TENM2: variants seen among roughly 807,000 people sequenced by gnomAD.
TENM2 encodes the protein teneurin transmembrane protein 2.
A neutral mutation model predicts 245.2 loss-of-function variants in TENM2; 52 were observed. The ratio of observed to expected loss-of-function variants is 0.21; its 90% CI spans 0.17 to 0.27. The LOEUF (loss-of-function observed/expected upper bound fraction) is 0.27, where lower values mean the gene tolerates loss of function less well. TENM2 is among the 10% of genes least tolerant of loss of function. The pLI is 1.00. For synonymous variants in TENM2, 1,363 were observed against 1,438.9 expected (o/e 0.95, Z 1.19); for missense variants, 3,046 against 3,666.8 (o/e 0.83, Z 4.37).
At chr5:167,928,136 G>A (rs1488828542) in intron 3 of TENM2, among the ~76,000 whole-genome samples, 1 of 152,014 alleles carries the variant, frequency 6.6e-6, no homozygotes, top group Non-Finnish European at 1.5e-5. Context: ...GGGTATGGGG[G>A]CATAATAACA....
chr5:167,057,537 A>G, the TENM2 span, among the ~76,000 whole-genome samples: 1 of 152,078 alleles, frequency 6.6e-6, no homozygotes, highest in African/African-American at 2.4e-5. Flanking sequence ...TGGACTGTGA[A>G]CTTCATCAGT....
chr5:168,116,947 T>C (rs985246441), intron 9 of TENM2, among the ~76,000 whole-genome samples: 6 of 152,180 alleles, frequency 3.9e-5, no homozygotes, highest in Admixed American at 3.9e-4. Flanking sequence ...CATCCGTCAT[T>C]TCTGAAGGCC....
intron 2 of TENM2, among the ~76,000 whole-genome samples, chr5:167,708,286 AC>A (rs1204610171): frequency 6.6e-6 from 1 of 152,142 alleles, no homozygotes; most frequent in African/African-American, 2.4e-5. Context: ...ATATATACAT[AC>A]CTTTTAGATA....
chr5:167,179,615 T>C, the TENM2 span, among the ~76,000 whole-genome samples: 1 of 152,186 alleles, frequency 6.6e-6, no homozygotes, highest in East Asian at 1.9e-4. Context: ...GAATTTCTGC[T>C]TATATACTTA....
At chr5:167,154,741 C>G in the TENM2 span, among the ~76,000 whole-genome samples, 8 of 152,132 alleles carry the variant, frequency 5.3e-5, no homozygotes, top group South Asian at 1.2e-3. Flanking sequence ...AGTGACTCGA[C>G]TTCTCCGTTC....
intron 3 of TENM2, among the ~76,000 whole-genome samples, chr5:167,916,771 C>T (rs953857104): frequency 2.0e-5 from 3 of 152,172 alleles, no homozygotes; most frequent in Admixed American, 2.0e-4. Flanking sequence ...CGTGGGAGGC[C>T]TCACTTATTC....
chr5:168,233,574 C>T (rs1174887036), intron 25 of TENM2, among the ~76,000 whole-genome samples: 1 of 152,202 alleles, frequency 6.6e-6, no homozygotes, highest in Non-Finnish European at 1.5e-5. Flanking sequence ...CTGCAAGAGA[C>T]AGGAAGTGCA....
At chr5:167,388,626 G>A (rs1046798896) in intron 2 of TENM2, among the ~76,000 whole-genome samples, 19 of 151,638 alleles carry the variant, frequency 1.3e-4, no homozygotes, top group Admixed American at 9.2e-4. Flanking sequence ...CACACTTTTT[G>A]ATGTAGGCAT....
the TENM2 span, among the ~76,000 whole-genome samples, chr5:167,044,589 G>T: frequency 6.6e-6 from 1 of 152,230 alleles, no homozygotes; most frequent in African/African-American, 2.4e-5. Flanking sequence ...AGAGTTAGCA[G>T]AAAATAATGA....
chr5:167,172,244 G>A, the TENM2 span, among the ~76,000 whole-genome samples: 1 of 152,160 alleles, frequency 6.6e-6, no homozygotes, highest in African/African-American at 2.4e-5. Context: ...GTGAATATTT[G>A]AAAAGGGTGA....
At chr5:168,115,862 A>C (rs11741618) in intron 9 of TENM2, among the ~76,000 whole-genome samples, 2 of 151,856 alleles carry the variant, frequency 1.3e-5, no homozygotes. Context: ...TCGAGGCTCT[A>C]TCTGGGCTCA....
intron 25 of TENM2, among the ~76,000 whole-genome samples, chr5:168,229,016 CATA>C (rs570083784): frequency 1.9e-3 from 273 of 146,572 alleles, no homozygotes; most frequent in South Asian, 5.1e-3. Context: ...TATATGTATA[CATA>C]ATAATATACA....
At chr5:167,854,762 T>C (rs1770913328) in intron 2 of TENM2, among the ~76,000 whole-genome samples, 1 of 152,204 alleles carries the variant, frequency 6.6e-6, no homozygotes, top group African/African-American at 2.4e-5. Flanking sequence ...TTTAAATATG[T>C]ATATTCATGA....
At chr5:167,801,095 G>GAA (rs1176405769) in intron 2 of TENM2, among the ~76,000 whole-genome samples, 975 of 50,474 alleles carry the variant, frequency 0.019, 53 homozygotes, top group Non-Finnish European at 0.024. Context: ...TATTTGAAAA[G>GAA]AAAAAAAAAA....
chr5:167,862,241 A>ATG (rs138403142), intron 2 of TENM2, among the ~76,000 whole-genome samples: 14,614 of 148,432 alleles, frequency 0.098, 735 homozygotes, highest in East Asian at 0.17. Context: ...AATTTAGAGT[A>ATG]TGTGTGTGTG....
intron 9 of TENM2, among the ~76,000 whole-genome samples, chr5:168,099,211 C>T (rs761981042): frequency 6.6e-6 from 1 of 152,010 alleles, no homozygotes; most frequent in Non-Finnish European, 1.5e-5. Flanking sequence ...TGCCCGGCCT[C>T]GTTTTTTTTT....
At chr5:168,212,831 C>T (rs570126196) in intron 20 of TENM2, among the ~76,000 whole-genome samples, 1 of 152,138 alleles carries the variant, frequency 6.6e-6, no homozygotes, top group African/African-American at 2.4e-5. Flanking sequence ...GTCCCTCTGA[C>T]GTGAGTTTCT....
intron 1 of TENM2, among the ~76,000 whole-genome samples, chr5:167,359,498 C>A (rs568515528): frequency 1.3e-5 from 2 of 149,434 alleles, no homozygotes; most frequent in Non-Finnish European, 3.0e-5. Context: ...TGGCCTTGCA[C>A]TCTTCTACTT....
chr5:167,254,055 T>C, the TENM2 span, among the ~76,000 whole-genome samples: 1 of 151,236 alleles, frequency 6.6e-6, no homozygotes, highest in Non-Finnish European at 1.5e-5. Context: ...TTAATACAAG[T>C]TGCTTGGCTG....
Sources: gnomAD v4.1 joint callset for allele counts (sites outside exome capture counted in the v4.1 genomes callset) on GRCh38, gnomAD v4.1.1 for gene constraint, MANE v1.5 for transcripts, NCBI Gene and HGNC (gene_info 2026-07-23, HGNC 2026-07-21) for gene names.